The following PBX1 variants were observed in gnomAD, a reference collection of about 807,000 sequenced individuals.
The protein encoded by PBX1 is PBX homeobox 1, also known as pre-B-cell leukemia transcription factor 1.
A neutral mutation model predicts 53.4 loss-of-function variants in PBX1; 6 were observed. The observed-to-expected ratio is 0.11, with a 90% CI of 0.06 to 0.22. The LOEUF (loss-of-function observed/expected upper bound fraction) is 0.22, where lower values mean the gene tolerates loss of function less well. Ranked by LOEUF, PBX1 falls within the 10% of genes least tolerant of loss-of-function variation. PBX1 has a pLI of 1.00. For missense variants in PBX1, 251 were observed against 551.4 expected, an observed-to-expected ratio of 0.46 and a Z score of 5.46; for synonymous variants, 204 against 212.3, an observed-to-expected ratio of 0.96 and a Z score of 0.34.
chr1:164,583,783 C>T (rs1272336601), intron 2 of PBX1, among the ~76,000 whole-genome samples: 1 of 152,022 alleles, frequency 6.6e-6, no homozygotes, highest in East Asian at 1.9e-4. Flanking sequence ...ATTTAAAAAC[C>T]ATTTGCCAGG....
intron 2 of PBX1, 146 bp from the exon 3 acceptor site, chr1:164,792,348 T>C (rs1339659550): frequency 5.7e-6 from 8 of 1,401,592 alleles, no homozygotes; most frequent in Non-Finnish European, 7.6e-6. Flanking sequence ...TCAGTTTCTC[T>C]CTTTTTCCAG....
intron 2 of PBX1, among the ~76,000 whole-genome samples, chr1:164,759,017 G>T (rs1022723602): frequency 6.6e-6 from 1 of 152,158 alleles, no homozygotes; most frequent in African/African-American, 2.4e-5. Context: ...AACTGTAAAG[G>T]GTTTGGCTGG....
intron 2 of PBX1, among the ~76,000 whole-genome samples, chr1:164,754,166 T>G (rs552942865): frequency 3.3e-5 from 5 of 152,164 alleles, no homozygotes; most frequent in Non-Finnish European, 7.4e-5. Flanking sequence ...GGCTGGTGTG[T>G]GGACGGGAAC....
chr1:164,700,372 A>C, intron 2 of PBX1: 1 of 781,432 alleles, frequency 1.3e-6, no homozygotes, highest in Non-Finnish European at 1.6e-6. Flanking sequence ...AAGCCAAGGA[A>C]GGCACATCAA....
intron 8 of PBX1, among the ~76,000 whole-genome samples, chr1:164,843,500 A>T (rs550769448): frequency 5.3e-5 from 8 of 152,136 alleles, no homozygotes; most frequent in African/African-American, 1.7e-4. Flanking sequence ...ATGGTCACCA[A>T]ATCTGAGGGG....
intron 2 of PBX1, among the ~76,000 whole-genome samples, chr1:164,675,268 A>G (rs1350593182): frequency 6.6e-6 from 1 of 152,108 alleles, no homozygotes; most frequent in Non-Finnish European, 1.5e-5. Flanking sequence ...TCTTTATTCT[A>G]CCTCTGTCAC....
Position 164,612,873 on chromosome 1 carries a change from T to C in PBX1, c.265+49562T>C, listed in dbSNP as rs1185214204. ...CTTGGCTTTCCATCCTGTTATGAAT[T>C]GGCAGATTAACCTTGGACAAGTGAT... On this transcript the variant is annotated intron_variant, in intron 2 of 8. Coordinates refer to ENST00000420696, the MANE Select transcript of PBX1 (RefSeq NM_002585.4). 2.0e-5 allele frequency among the ~76,000 whole-genome samples: 3 copies of C among 152,168 alleles called. No individual in the cohort carries two copies. The East Asian group carries it at 5.8e-4, about 29-fold the overall frequency.
intron 2 of PBX1, among the ~76,000 whole-genome samples, chr1:164,671,864 C>T (rs7548770): frequency 0.016 from 2,444 of 152,276 alleles, 46 homozygotes; most frequent in South Asian, 0.056. Context: ...GCTCATCAGA[C>T]AGAGCCTGCT....
At chr1:164,629,200 G>T (rs1658244783) in intron 2 of PBX1, among the ~76,000 whole-genome samples, 1 of 152,006 alleles carries the variant, frequency 6.6e-6, no homozygotes. Flanking sequence ...CCAAGGAATG[G>T]AAAGAAGCTG....
intron 2 of PBX1, among the ~76,000 whole-genome samples, chr1:164,619,224 T>C (rs572621050): frequency 3.9e-5 from 6 of 152,248 alleles, no homozygotes; most frequent in African/African-American, 7.2e-5. Context: ...ATATAGACTT[T>C]GTGGCTGACA....
At chr1:164,650,392 C>A (rs986280374) in intron 2 of PBX1, among the ~76,000 whole-genome samples, 1 of 152,056 alleles carries the variant, frequency 6.6e-6, no homozygotes, top group Non-Finnish European at 1.5e-5. Context: ...CCATGCCTGA[C>A]TAGTTTTTGT....
At chr1:164,689,798 C>A (rs2102019323) in intron 2 of PBX1, among the ~76,000 whole-genome samples, 1 of 152,122 alleles carries the variant, frequency 6.6e-6, no homozygotes, top group Admixed American at 6.5e-5. Flanking sequence ...TCTTTCATTT[C>A]TTTCTCCCTG....
intron 2 of PBX1, chr1:164,590,471 C>T (rs1655296658): frequency 1.1e-5 from 5 of 455,698 alleles, no homozygotes; most frequent in Non-Finnish European, 1.3e-5. Flanking sequence ...AATAATGGGG[C>T]CTAAACTGAC....
chr1:164,849,574 T>C lies in PBX1; in HGVS notation c.*2898T>C. 2 of 996,630 alleles carry C rather than the reference T, an allele frequency of 2.0e-6. No individual in the cohort carries two copies. The highest frequency in any genetic ancestry group is 1.4e-6 in the Non-Finnish European group (1 of 704,988). 61.7% of individuals were successfully genotyped at this position (996,630 alleles called of 1,614,324 possible). A position where few individuals can be genotyped will look rare whatever the true frequency, so the allele number is the denominator to read the frequency against. ...TTCTAATAGATGTGGGAGTGCTCCATTTTCCCCGACAGCGAATTTCCCCTG... is the reference window on the plus strand; with the variant it reads ...TTCTAATAGATGTGGGAGTGCTCCACTTTCCCCGACAGCGAATTTCCCCTG... On this transcript the variant is annotated 3_prime_UTR_variant, in exon 9 of 9. Transcript: ENST00000420696.
chr1:164,796,211 G>A (rs879902596), intron 3 of PBX1, among the ~76,000 whole-genome samples: 3 of 151,916 alleles, frequency 2.0e-5, no homozygotes, highest in Non-Finnish European at 4.4e-5. Context: ...AGGTTTCACC[G>A]TGTTAGCCAG....
intron 2 of PBX1, among the ~76,000 whole-genome samples, chr1:164,627,264 T>C (rs1480332345): frequency 1.3e-5 from 2 of 152,150 alleles, no homozygotes; most frequent in African/African-American, 4.8e-5. Flanking sequence ...TAAGTTACAG[T>C]CCCCTTTCAT....
chr1:164,811,447 G>T (rs1669607586), intron 5 of PBX1, among the ~76,000 whole-genome samples: 1 of 152,146 alleles, frequency 6.6e-6, no homozygotes, highest in Non-Finnish European at 1.5e-5. Flanking sequence ...GTGAAATCTG[G>T]TAGATTGAAT....
At chr1:164,711,915 G>C (rs1663807243) in intron 2 of PBX1, among the ~76,000 whole-genome samples, 2 of 152,162 alleles carry the variant, frequency 1.3e-5, no homozygotes, top group African/African-American at 4.8e-5. Flanking sequence ...AGCAGGGTGG[G>C]GTGACAGGAC....
intron 2 of PBX1, among the ~76,000 whole-genome samples, chr1:164,752,206 T>TTGTGTGTGTGTGTG (rs10629820): frequency 4.2e-5 from 6 of 143,026 alleles, no homozygotes; most frequent in African/African-American, 1.0e-4. Context: ...CTTTAAGGTT[T>TTGTGTGTGTGTGTG]TGTGTGTGTG....
Sources: gnomAD v4.1 joint callset for allele counts (sites outside exome capture counted in the v4.1 genomes callset) on GRCh38, gnomAD v4.1.1 for gene constraint, MANE v1.5 for transcripts, NCBI Gene and HGNC (gene_info 2026-07-23, HGNC 2026-07-21) for gene names.